The following VAPB variants were observed in gnomAD, a reference collection of about 807,000 sequenced individuals.
VAPB encodes VAMP associated protein B and C.
In VAPB, 7 loss-of-function variants were observed where a neutral mutation model predicts 25.6. That is an observed-to-expected ratio of 0.27 (90% CI 0.16 to 0.51). VAPB has a LOEUF of 0.51. VAPB is among the 20% of genes least tolerant of loss of function. The probability of loss-of-function intolerance (pLI) is 0.97; values close to 1 mark genes in which losing one functional copy is unlikely to be tolerated. For missense variants in VAPB, 266 were observed against 301.3 expected (o/e 0.88, Z 0.87); for synonymous variants, 112 against 109.2 (o/e 1.03, Z -0.16).
chr20:58,440,224 T>A (rs1989131444), intron 4 of VAPB: 1 of 152,518 alleles, frequency 6.6e-6, no homozygotes, highest in African/African-American at 2.4e-5. Context: ...GGCCTACTCT[T>A]CTCATCTGGA....
At chr20:58,426,949 A>G (rs6026263) in intron 2 of VAPB, among the ~76,000 whole-genome samples, 1 of 152,080 alleles carries the variant, frequency 6.6e-6, no homozygotes, top group African/African-American at 2.4e-5. Context: ...TATAATGCAG[A>G]CGAAAGTGAT....
At chr20:58,390,158 C>T (rs1468469821) in intron 1 of VAPB, 1 of 152,276 alleles carries the variant, frequency 6.6e-6, no homozygotes, top group African/African-American at 2.4e-5. Context: ...AATGAACCTC[C>T]TCAGGACTTC....
rs745610375 is a variant in VAPB at position 58,439,038 on chromosome 20, A to C, written c.396+13A>C. 1 of 1,603,142 alleles carries C rather than the reference A, an allele frequency of 6.2e-7. No homozygotes were observed. The highest frequency in any genetic ancestry group is 8.5e-7 in the Non-Finnish European group (1 of 1,170,636). ...GAATGATAAACCAGTAAGTATATTT[A>C]TAGTTAACAATAATTGAATGTTGTA... On this transcript the variant is annotated intron_variant, in intron 4 of 5. Transcript: ENST00000475243.
chr20:58,443,970 C>T, intron 5 of VAPB, 107 bp from the exon 6 acceptor site: 1 of 1,527,270 alleles, frequency 6.5e-7, no homozygotes, highest in Non-Finnish European at 9.0e-7. Context: ...TGGACCATAT[C>T]ATGTCATCCA....
Position 58,389,437 on chromosome 20 carries a change from A to G in VAPB, c.-23A>G, listed in dbSNP as rs756028732. ...TGACCTCTCAGGGGTCTCCCCGCCA[A>G]AGGTGCTCCGCCGCTAAGGAACATG... is the stretch of plus-strand genomic sequence containing the variant. On this transcript the variant is annotated 5_prime_UTR_variant, in exon 1 of 6. Coordinates refer to ENST00000475243, the MANE Select transcript of VAPB (RefSeq NM_004738.5). 6.3e-7 allele frequency: 1 copy of G among 1,584,228 alleles called. No individual in the cohort carries two copies. The highest frequency in any genetic ancestry group is 1.8e-5 in the Admixed American group (1 of 56,768).
intron 1 of VAPB, among the ~76,000 whole-genome samples, chr20:58,407,166 C>T (rs1055847020): frequency 8.6e-5 from 13 of 151,808 alleles, no homozygotes; most frequent in South Asian, 4.2e-4. Flanking sequence ...TTTTCTATTA[C>T]GAAAAAAAAT....
chr20:58,431,115 T>A (rs1988918129), intron 2 of VAPB: 1 of 152,238 alleles, frequency 6.6e-6, no homozygotes, highest in South Asian at 2.1e-4. Flanking sequence ...GTTATTAGTA[T>A]GATGTGGAAT....
intron 1 of VAPB, among the ~76,000 whole-genome samples, chr20:58,417,817 A>G (rs1988577700): frequency 6.6e-6 from 1 of 152,190 alleles, no homozygotes; most frequent in Non-Finnish European, 1.5e-5. Context: ...GGAAATCAGT[A>G]TTTAGCATGG....
chr20:58,433,678 T>C (rs896201316), intron 2 of VAPB, among the ~76,000 whole-genome samples: 1 of 152,196 alleles, frequency 6.6e-6, no homozygotes, highest in Non-Finnish European at 1.5e-5. Flanking sequence ...CCCCCAACAA[T>C]AGTACCTACT....
intron 3 of VAPB, among the ~76,000 whole-genome samples, chr20:58,436,609 G>A (rs574824016): frequency 6.6e-6 from 1 of 152,260 alleles, no homozygotes; most frequent in South Asian, 2.1e-4. Context: ...TTACAGGCAT[G>A]AGCCACTGCC....
chr20:58,417,648 G>A (rs11905069), intron 1 of VAPB, among the ~76,000 whole-genome samples: 16,490 of 152,146 alleles, frequency 0.11, 1,006 homozygotes, highest in Middle Eastern at 0.17. Flanking sequence ...TAAGTTTTCT[G>A]TAGCAACACT....
chr20:58,440,876 G>T, intron 4 of VAPB, 31 bp from the exon 5 acceptor site: 1 of 1,607,206 alleles, frequency 6.2e-7, no homozygotes, highest in South Asian at 1.1e-5. Context: ...CATGGTCGGT[G>T]ACACTTAGGC....
At chr20:58,439,136 ATGTCTG>A in intron 4 of VAPB, 111 bp downstream of exon 4, 1 of 1,008,936 alleles carries the variant, frequency 9.9e-7, no homozygotes, top group Admixed American at 2.0e-5. Flanking sequence ...CCTTTATCTG[ATGTCTG>A]AAGAAAAAAA....
intron 4 of VAPB, chr20:58,440,340 T>C (rs529108847): frequency 6.5e-6 from 1 of 154,880 alleles, no homozygotes; most frequent in Admixed American, 6.4e-5. Flanking sequence ...TCTCATCCCC[T>C]GTAAATCTCA....
chr20:58,435,494 C>T (rs562653425), intron 3 of VAPB, among the ~76,000 whole-genome samples: 32 of 152,290 alleles, frequency 2.1e-4, no homozygotes, highest in Non-Finnish European at 3.8e-4. Flanking sequence ...CCAGTTTTGG[C>T]CCGCCCAAAG....
At chr20:58,397,642 G>A (rs1987996557) in intron 1 of VAPB, among the ~76,000 whole-genome samples, 1 of 152,182 alleles carries the variant, frequency 6.6e-6, no homozygotes, top group African/African-American at 2.4e-5. Flanking sequence ...GGTTTGTAGA[G>A]TGGGAATTCA....
intron 2 of VAPB, among the ~76,000 whole-genome samples, chr20:58,425,335 A>T (rs2123070751): frequency 6.6e-6 from 1 of 152,280 alleles, no homozygotes; most frequent in South Asian, 2.1e-4. Context: ...GACAGAAGAA[A>T]AGCCAGCTGG....
In VAPB at chr20:58,418,196, T is replaced by A; in HGVS notation, c.59-15T>A. The A allele has an allele frequency of 6.2e-7, 1 of 1,614,166 alleles. No homozygotes were observed. The highest frequency in any genetic ancestry group is 8.5e-7 in the Non-Finnish European group (1 of 1,180,022). On this transcript the variant is annotated splice_polypyrimidine_tract_variant and intron_variant, in intron 1 of 5. Transcript: ENST00000475243. Reference sequence around the variant, plus strand: ...CCTCATGAGACCCCCAATCAGTCTCTGTCTCATTCTACAGGTCCCTTCACC... The same window carrying A: ...CCTCATGAGACCCCCAATCAGTCTCAGTCTCATTCTACAGGTCCCTTCACC...
chr20:58,396,630 T>C (rs1367764827), intron 1 of VAPB, among the ~76,000 whole-genome samples: 3 of 152,198 alleles, frequency 2.0e-5, no homozygotes, highest in Admixed American at 6.5e-5. Context: ...AGTGGTCATA[T>C]GTGTGAGTGG....
Sources: gnomAD v4.1 joint callset for allele counts (sites outside exome capture counted in the v4.1 genomes callset) on GRCh38, gnomAD v4.1.1 for gene constraint, MANE v1.5 for transcripts, NCBI Gene and HGNC (gene_info 2026-07-23, HGNC 2026-07-21) for gene names.